Variants in KIF3C observed in about 807,000 individuals in gnomAD.
KIF3C encodes kinesin-like protein KIF3C.
A neutral mutation model predicts 67.7 loss-of-function variants in KIF3C; 12 were observed. The observed-to-expected ratio is 0.18, with a 90% CI of 0.11 to 0.29. KIF3C has a LOEUF of 0.29. Ranked by LOEUF, KIF3C falls within the 10% of genes least tolerant of loss-of-function variation. The pLI is 1.00. For missense variants in KIF3C, 789 were observed against 1,059.6 expected, an observed-to-expected ratio of 0.74 and a Z score of 3.55; for synonymous variants, 393 against 426.2, an observed-to-expected ratio of 0.92 and a Z score of 0.96.
At chr2:25,967,502 C>A (rs551072211) in intron 1 of KIF3C, among the ~76,000 whole-genome samples, 16 of 152,132 alleles carry the variant, frequency 1.1e-4, no homozygotes, top group Non-Finnish European at 1.9e-4. Context: ...ACCTTTCAGG[C>A]CTTGGGTAAG....
At chr2:25,935,073 G>A (rs923358936) in intron 5 of KIF3C, among the ~76,000 whole-genome samples, 3 of 151,968 alleles carry the variant, frequency 2.0e-5, no homozygotes, top group Non-Finnish European at 2.9e-5. Context: ...GTGAAACCCC[G>A]TCTCTACAGA....
chr2:25,978,182 C>G (rs1183628023), intron 1 of KIF3C, among the ~76,000 whole-genome samples: 2 of 152,108 alleles, frequency 1.3e-5, no homozygotes, highest in African/African-American at 4.8e-5. Flanking sequence ...CATCAGAAGA[C>G]CTGGGTTCCA....
At chr2:25,948,660 AAG>A (rs1306693956) in intron 5 of KIF3C, among the ~76,000 whole-genome samples, 1 of 136,226 alleles carries the variant, frequency 7.3e-6, no homozygotes, top group African/African-American at 2.9e-5. Context: ...GAGAAAGAGA[AAG>A]AGAGAAAGAG....
At chr2:25,933,690 A>AG (rs1186781474) in intron 5 of KIF3C, among the ~76,000 whole-genome samples, 1 of 152,020 alleles carries the variant, frequency 6.6e-6, no homozygotes, top group Non-Finnish European at 1.5e-5. Flanking sequence ...GAAAAAAAAA[A>AG]AACCCACAAT....
chr2:25,961,947 CAAA>C (rs201677055), intron 1 of KIF3C, among the ~76,000 whole-genome samples: 2 of 92,458 alleles, frequency 2.2e-5, no homozygotes, highest in Admixed American at 9.6e-5. Flanking sequence ...GACTCCATCT[CAAA>C]AAAAAAAAAA....
intron 5 of KIF3C, among the ~76,000 whole-genome samples, chr2:25,930,400 C>T (rs1431663241): frequency 2.0e-5 from 3 of 152,188 alleles, no homozygotes; most frequent in African/African-American, 7.2e-5. Context: ...ACTCTGTCAC[C>T]CACGCTGCAG....
rs150638434 is a variant in KIF3C, at chr2:25,961,166, A to G, written c.1546-4722T>C. Reference sequence around the variant, plus strand: ...GGTTATTACAGCACATGGGGAAGCCAATGACCAGAACTCTGGAGGTTAAAG... The same window carrying G: ...GGTTATTACAGCACATGGGGAAGCCGATGACCAGAACTCTGGAGGTTAAAG... On this transcript the variant is annotated intron_variant, in intron 1 of 7. Coordinates refer to ENST00000264712, the MANE Select transcript of KIF3C (RefSeq NM_002254.8). Among the ~76,000 whole-genome samples, 451 of 152,350 alleles carry G rather than the reference A, an allele frequency of 3.0e-3. 1 individual carries two copies. The highest frequency in any genetic ancestry group is 0.011 in the African/African-American group (438 of 41,586).
chr2:25,982,340 G>C lies in KIF3C; in HGVS notation c.-423C>G. On this transcript the variant is annotated 5_prime_UTR_variant, in exon 1 of 8. Transcript: ENST00000264712. ...CTAGGGATCCATAGCGTGGGCTGCC[G>C]GTCGTGGGCGGCCGGGGGTCCCGGG... The C allele has an allele frequency of 2.5e-6, 1 of 399,050 alleles. No homozygotes were observed. Among genetic ancestry groups the C allele is most frequent in the Non-Finnish European group, 4.4e-6 (1 of 226,418 alleles). 24.7% of individuals were successfully genotyped at this position (399,050 alleles called of 1,614,324 possible).
intron 5 of KIF3C, among the ~76,000 whole-genome samples, chr2:25,930,555 G>C (rs1401118214): frequency 6.6e-6 from 1 of 151,318 alleles, no homozygotes; most frequent in South Asian, 2.1e-4. Flanking sequence ...TTCTTTTTTT[G>C]AGACGAAGTT....
chr2:25,949,949 C>T (rs1423372185), intron 5 of KIF3C, among the ~76,000 whole-genome samples: 9 of 151,250 alleles, frequency 6.0e-5, no homozygotes, highest in African/African-American at 2.2e-4. Context: ...CCAGCCTGGG[C>T]GAAAGAGCAA....
rs1309433998 is a variant in KIF3C, at chr2:25,955,123, C to T, written c.1770+418G>A. 1.3e-5 allele frequency among the ~76,000 whole-genome samples: 2 copies of T among 152,156 alleles called. No individual in the cohort carries two copies. The highest frequency in any genetic ancestry group is 2.4e-5 in the African/African-American group (1 of 41,432). On this transcript the variant is annotated intron_variant, in intron 3 of 7. Coordinates refer to ENST00000264712, the MANE Select transcript of KIF3C (RefSeq NM_002254.8). The surrounding 1 kb of genome is among the most constrained non-coding windows in gnomAD (Gnocchi z 5.0). ...TTCTGGTGAGCGGCTATTCTCATCC[C>T]TTGACATGTCCTTGAGGGCCTTACA...
At chr2:25,969,450 C>T (rs746561786) in intron 1 of KIF3C, among the ~76,000 whole-genome samples, 1 of 151,904 alleles carries the variant, frequency 6.6e-6, no homozygotes, top group Non-Finnish European at 1.5e-5. Context: ...ATCCATGTAA[C>T]CAAACACCAC....
intron 1 of KIF3C, among the ~76,000 whole-genome samples, chr2:25,973,591 T>C (rs190973221): frequency 1.9e-3 from 282 of 149,680 alleles, no homozygotes; most frequent in African/African-American, 6.8e-3. Flanking sequence ...ATTTAATGTA[T>C]ACAACTCAAT....
rs1297432149 is a variant in KIF3C, at chr2:25,963,665, G to GTAGTAT, written c.1546-7222_1546-7221insATACTA. On this transcript the variant is annotated intron_variant, in intron 1 of 7. Coordinates refer to ENST00000264712, the MANE Select transcript of KIF3C (RefSeq NM_002254.8). ...TTTATTACAGCATCATAGGCATGAA[G>GTAGTAT]TATTATTATTATTATTATTATTATT... 2.3e-4 allele frequency among the ~76,000 whole-genome samples: 29 copies of GTAGTAT among 125,858 alleles called. 1 individual carries two copies. Among genetic ancestry groups the GTAGTAT allele is most frequent in the African/African-American group, 8.5e-4 (27 of 31,654 alleles). The allele number at this position is 125,858 out of a possible 152,430, so 82.6% of individuals were successfully genotyped here. A position where few individuals can be genotyped will look rare whatever the true frequency, so the allele number is the denominator to read the frequency against.
In KIF3C at chr2:25,981,043, T is replaced by C; in HGVS notation, c.875A>G (p.Lys292Arg). Residue 292 changes from lysine (K) to arginine (R), a missense_variant, in exon 1 of 8, where the codon AAA (lysine) becomes AGA (arginine). Around this residue, in one of 2 missense-constraint regions of KIF3C, gnomAD observed 648 missense variants for 807.8 expected, o/e 0.80. Coordinates refer to ENST00000264712, the MANE Select transcript of KIF3C (RefSeq NM_002254.8). The surrounding 1 kb of genome is among the most constrained non-coding windows in gnomAD (Gnocchi z 8.2). The part of the protein sequence containing the change: ...AGGERPKEAS[K>R]INLSLSALGN... ...CAGGGCAGATAATGAGAGGTTGATT[T>C]TGGAGGCTTCCTTAGGCCTCTCTCC... 6.2e-7 allele frequency: 1 copy of C among 1,614,180 alleles called. No individual in the cohort carries two copies. The highest frequency in any genetic ancestry group is 1.7e-5 in the Admixed American group (1 of 60,022).
chr2:25,968,080 G>A (rs1664189860), intron 1 of KIF3C, among the ~76,000 whole-genome samples: 1 of 152,090 alleles, frequency 6.6e-6, no homozygotes, highest in South Asian at 2.1e-4. Flanking sequence ...TCCTTTTCCA[G>A]CGCCCTGATT....
chr2:25,946,419 G>C (rs976661536), intron 5 of KIF3C, among the ~76,000 whole-genome samples: 13 of 152,064 alleles, frequency 8.5e-5, no homozygotes, highest in African/African-American at 1.2e-4. Context: ...GGCCGGGCAT[G>C]GTGGCTCACG....
intron 1 of KIF3C, among the ~76,000 whole-genome samples, chr2:25,969,864 C>T (rs755430594): frequency 5.3e-5 from 8 of 152,066 alleles, no homozygotes; most frequent in Non-Finnish European, 1.0e-4. Flanking sequence ...TACAGGCACA[C>T]GCCACCATGC....
chr2:25,942,341 G>A (rs958191278), intron 5 of KIF3C, among the ~76,000 whole-genome samples: 1 of 151,914 alleles, frequency 6.6e-6, no homozygotes, highest in South Asian at 2.1e-4. Flanking sequence ...TTAGGCGACG[G>A]TCTATTATGA....
Sources: allele counts gnomAD v4.1 joint callset (sites outside exome capture counted in the v4.1 genomes callset), GRCh38; gene constraint gnomAD v4.1.1; regional missense constraint gnomAD v4.1.1; non-coding constraint Gnocchi (gnomAD v3.1); transcripts MANE v1.5; gene names NCBI Gene and HGNC (gene_info 2026-07-23, HGNC 2026-07-21).